ELP4: variants seen among roughly 807,000 people sequenced by gnomAD.
The protein encoded by ELP4 is elongator acetyltransferase complex subunit 4.
A neutral mutation model predicts 48.9 loss-of-function variants in ELP4; 51 were observed. That is an observed-to-expected ratio of 1.04 (90% CI 0.83 to 1.32). The LOEUF (loss-of-function observed/expected upper bound fraction) is 1.32, where lower values mean the gene tolerates loss of function less well. ELP4 is among the 40% of genes most tolerant of loss of function. The pLI is 0.00. For missense variants in ELP4, 519 were observed against 514.6 expected (o/e 1.01, Z -0.08); for synonymous variants, 210 against 189.2 (o/e 1.11, Z -0.90).
intron 1 of ELP4, among the ~76,000 whole-genome samples, chr11:31,515,701 A>G (rs973282806): frequency 6.6e-6 from 1 of 152,036 alleles, no homozygotes; most frequent in South Asian, 2.1e-4. Context: ...AAAATGGTAA[A>G]GGTAGCTCTT....
At chr11:31,608,331 T>C (rs902545524) in intron 5 of ELP4, among the ~76,000 whole-genome samples, 2 of 152,022 alleles carry the variant, frequency 1.3e-5, no homozygotes, top group Non-Finnish European at 2.9e-5. Flanking sequence ...TGAGTTGATA[T>C]GAGCAGTCAG....
At chr11:31,511,579 T>A (rs1956008604) in intron 1 of ELP4, 1 of 152,124 alleles carries the variant, frequency 6.6e-6, no homozygotes, top group South Asian at 2.1e-4. Context: ...AAAAACAAAT[T>A]AAGTGATATG....
intron 9 of ELP4, among the ~76,000 whole-genome samples, chr11:31,707,696 C>T (rs1946662538): frequency 6.6e-6 from 1 of 152,050 alleles, no homozygotes; most frequent in African/African-American, 2.4e-5. Flanking sequence ...GTCAGAGGTC[C>T]ACAGTCAGGA....
At chr11:31,535,045 C>T (rs1315291542) in intron 2 of ELP4, among the ~76,000 whole-genome samples, 2 of 152,168 alleles carry the variant, frequency 1.3e-5, no homozygotes, top group Non-Finnish European at 2.9e-5. Flanking sequence ...GCATTGAAAA[C>T]ATTTTCCTTT....
chr11:31,688,027 AATG>A (rs1423982432), intron 9 of ELP4, among the ~76,000 whole-genome samples: 1 of 152,220 alleles, frequency 6.6e-6, no homozygotes, highest in Non-Finnish European at 1.5e-5. Context: ...TATCTTAACA[AATG>A]ATTTTTAAAT....
intron 9 of ELP4, among the ~76,000 whole-genome samples, chr11:31,720,213 C>T (rs1021906730): frequency 2.6e-5 from 4 of 151,990 alleles, no homozygotes; most frequent in East Asian, 1.9e-4. Context: ...AACAAAAACT[C>T]GGAACTTAAT....
At chr11:31,713,838 T>G (rs1157885541) in intron 9 of ELP4, among the ~76,000 whole-genome samples, 1 of 152,100 alleles carries the variant, frequency 6.6e-6, no homozygotes, top group Admixed American at 6.5e-5. Flanking sequence ...AACCTTCTTC[T>G]CTCCTCAAGG....
At chr11:31,752,459 A>T (rs1472303182) in intron 9 of ELP4, among the ~76,000 whole-genome samples, 3 of 152,028 alleles carry the variant, frequency 2.0e-5, no homozygotes, top group Admixed American at 6.6e-5. Context: ...AAGAATGTCC[A>T]CTCTCTCAGG....
At chr11:31,737,749 A>G (rs1947351020) in intron 9 of ELP4, among the ~76,000 whole-genome samples, 1 of 152,220 alleles carries the variant, frequency 6.6e-6, no homozygotes, top group Admixed American at 6.5e-5. Context: ...CACAATAGTC[A>G]AGGAGGAAAT....
chr11:31,687,338 G>T (rs1358706864), intron 9 of ELP4, among the ~76,000 whole-genome samples: 1 of 152,170 alleles, frequency 6.6e-6, no homozygotes, highest in Admixed American at 6.5e-5. Context: ...AGATTCAGAA[G>T]AGAAGAAGGC....
At chr11:31,779,439 T>C (rs1319645222) in intron 9 of ELP4, among the ~76,000 whole-genome samples, 3 of 152,130 alleles carry the variant, frequency 2.0e-5, no homozygotes, top group Non-Finnish European at 4.4e-5. Context: ...ATTCCAATCT[T>C]ATGTGTCTAT....
At chr11:31,643,260 T>A (rs950212464) in intron 7 of ELP4, among the ~76,000 whole-genome samples, 2 of 151,818 alleles carry the variant, frequency 1.3e-5, no homozygotes, top group African/African-American at 4.8e-5. Context: ...TGTGCCATAC[T>A]CAAATGAGAG....
chr11:31,543,245 A>T (rs1956622279), intron 3 of ELP4, among the ~76,000 whole-genome samples: 1 of 152,234 alleles, frequency 6.6e-6, no homozygotes, highest in Non-Finnish European at 1.5e-5. Context: ...TGAAAGTATT[A>T]CAGAAATAAT....
At chr11:31,658,800 G>A (rs1354665413) in intron 9 of ELP4, among the ~76,000 whole-genome samples, 4 of 151,850 alleles carry the variant, frequency 2.6e-5, no homozygotes, top group Non-Finnish European at 5.9e-5. Flanking sequence ...TTTAATAAGG[G>A]TCTACTGAAT....
At chr11:31,515,001 A>ATGTGTGTGTGTG (rs753678395) in intron 1 of ELP4, among the ~76,000 whole-genome samples, 2 of 131,980 alleles carry the variant, frequency 1.5e-5, no homozygotes, top group African/African-American at 2.9e-5. Flanking sequence ...TGCTGTATGC[A>ATGTGTGTGTGTG]TGTGTGTGTG....
intron 9 of ELP4, among the ~76,000 whole-genome samples, chr11:31,669,884 G>A (rs1395081014): frequency 2.0e-5 from 3 of 152,048 alleles, no homozygotes; most frequent in Admixed American, 6.6e-5. Context: ...ACTATATATT[G>A]TCCTTAAGGA....
At position 31,632,275 on chromosome 11, in the gene ELP4, G is replaced by A. The variant is rs1944877235; in HGVS notation, c.797G>A (p.Gly266Glu). Reference sequence around the variant, plus strand: ...CAGAATCTTGGCTCACCTTTATGGGGAGACGATATTTGCTGTGCAGAAAAT... The same window carrying A: ...CAGAATCTTGGCTCACCTTTATGGGAAGACGATATTTGCTGTGCAGAAAAT... ...GIQNLGSPLW[G>E]DDICCAENGG... Residue 266 changes from glycine (G) to glutamate (E), a missense_variant, in exon 7 of 10, where the codon GGA becomes GAA. Gly to Glu is a moderately conservative substitution (Grantham distance 98). Coordinates refer to ENST00000640961, the MANE Select transcript of ELP4 (RefSeq NM_019040.5). 1 of 1,612,764 alleles carries A rather than the reference G, an allele frequency of 6.2e-7. No individual in the cohort carries two copies. The highest frequency in any genetic ancestry group is 1.7e-5 in the Admixed American group (1 of 59,812).
intron 7 of ELP4, among the ~76,000 whole-genome samples, chr11:31,644,480 T>C (rs558111787): frequency 8.6e-5 from 13 of 151,810 alleles, no homozygotes; most frequent in Non-Finnish European, 1.6e-4. Context: ...AATGAGAATA[T>C]GGATGTTCCA....
chr11:31,711,764 A>T (rs533372638), intron 9 of ELP4, among the ~76,000 whole-genome samples: 2 of 152,202 alleles, frequency 1.3e-5, no homozygotes, highest in Non-Finnish European at 2.9e-5. Flanking sequence ...GTACAGCCTT[A>T]GTCTTTTTAT....
Sources: allele counts gnomAD v4.1 joint callset (sites outside exome capture counted in the v4.1 genomes callset), GRCh38; gene constraint gnomAD v4.1.1; transcripts MANE v1.5; gene names NCBI Gene and HGNC (gene_info 2026-07-23, HGNC 2026-07-21).